Variants in GTF2A1L observed in about 807,000 individuals in gnomAD.
GTF2A1L encodes the protein TFIIA-alpha and beta-like factor.
GTF2A1L carries 48 observed loss-of-function variants against 49.7 expected under a neutral mutation model. That is an observed-to-expected ratio of 0.97 (90% CI 0.77 to 1.23). The LOEUF (loss-of-function observed/expected upper bound fraction) is 1.23, where lower values mean the gene tolerates loss of function less well. GTF2A1L is among the 50% of genes most tolerant of loss of function. GTF2A1L has a pLI of 0.00. For missense variants in GTF2A1L, 736 were observed against 564.8 expected (o/e 1.30, Z -3.07); for synonymous variants, 246 against 193.5 (o/e 1.27, Z -2.25).
chr2:48,670,030 T>A, intron 7 of GTF2A1L, 48 bp downstream of exon 7: 2 of 1,552,462 alleles, frequency 1.3e-6, no homozygotes, highest in Non-Finnish European at 1.7e-6. Flanking sequence ...TTTATAACAT[T>A]TCTACTTTAT....
At chr2:48,641,324 C>G (rs1426980279) in intron 3 of GTF2A1L, among the ~76,000 whole-genome samples, 1 of 152,184 alleles carries the variant, frequency 6.6e-6, no homozygotes, top group Non-Finnish European at 1.5e-5. Context: ...TTCTGTGCTT[C>G]ATTAACCATC....
intron 6 of GTF2A1L, among the ~76,000 whole-genome samples, chr2:48,661,149 T>C (rs1315868459): frequency 6.6e-6 from 1 of 152,024 alleles, no homozygotes; most frequent in Non-Finnish European, 1.5e-5. Context: ...CTTTATAGTT[T>C]TTTAAGATGT....
In GTF2A1L at chr2:48,679,423, T is replaced by C. The variant is rs1679649945; in HGVS notation, c.1418T>C (p.Ile473Thr). The change falls in exon 9 of 9, where the codon ATT becomes ACT. Residue 473 changes from isoleucine to threonine, a missense_variant. Ile to Thr is a moderately conservative substitution (Grantham distance 89). Coordinates refer to ENST00000403751, the MANE Select transcript of GTF2A1L (RefSeq NM_006872.5). ...AGAGACTATGTATTTGCAAAAGCCA[T>C]TGGTGATGCAGAGTGGTAAACCTTG... ...GGRDYVFAKAIGDAEW is the reference protein window; with the variant it reads ...GGRDYVFAKATGDAEW 1.9e-6 allele frequency: 3 copies of C among 1,612,452 alleles called. No individual in the cohort carries two copies. The highest frequency in any genetic ancestry group is 2.2e-5 in the South Asian group (2 of 90,992).
At chr2:48,653,353 C>G (rs1677978570) in intron 6 of GTF2A1L, among the ~76,000 whole-genome samples, 1 of 151,910 alleles carries the variant, frequency 6.6e-6, no homozygotes, top group African/African-American at 2.4e-5. Flanking sequence ...GTTATACAAC[C>G]CTACCTGAGA....
intron 3 of GTF2A1L, among the ~76,000 whole-genome samples, chr2:48,638,838 G>A (rs1677046842): frequency 6.6e-6 from 1 of 152,056 alleles, no homozygotes; most frequent in African/African-American, 2.4e-5. Flanking sequence ...AGTCTCGGCC[G>A]AAAAGCTCCT....
intron 6 of GTF2A1L, among the ~76,000 whole-genome samples, chr2:48,653,992 C>G (rs1678023931): frequency 6.7e-6 from 1 of 149,902 alleles, no homozygotes. Context: ...GTGTAAATAC[C>G]TAGGAGTGGG....
intron 3 of GTF2A1L, among the ~76,000 whole-genome samples, chr2:48,623,405 A>G (rs1302840672): frequency 6.6e-6 from 1 of 152,222 alleles, no homozygotes; most frequent in Non-Finnish European, 1.5e-5. Context: ...CAGAATGGCT[A>G]TTATTAAAAA....
intron 8 of GTF2A1L, among the ~76,000 whole-genome samples, chr2:48,674,832 G>A (rs1402000622): frequency 6.6e-6 from 1 of 151,944 alleles, no homozygotes; most frequent in African/African-American, 2.4e-5. Flanking sequence ...AATAGATAGA[G>A]GTGATATTAA....
At chr2:48,622,890 C>T (rs1461216124) in intron 3 of GTF2A1L, among the ~76,000 whole-genome samples, 1 of 148,812 alleles carries the variant, frequency 6.7e-6, no homozygotes, top group East Asian at 2.0e-4. Flanking sequence ...TTCAAAATTG[C>T]AATACTAGAT....
chr2:48,658,713 C>T (rs919083846), intron 6 of GTF2A1L, among the ~76,000 whole-genome samples: 8 of 151,938 alleles, frequency 5.3e-5, no homozygotes, highest in East Asian at 1.9e-4. Context: ...CTTTCTGTTT[C>T]ATTCTTGGGA....
intron 4 of GTF2A1L, among the ~76,000 whole-genome samples, chr2:48,642,919 T>C (rs1371210608): frequency 6.6e-6 from 1 of 152,024 alleles, no homozygotes; most frequent in Middle Eastern, 3.2e-3. Context: ...GTAGCATAGA[T>C]GTAATAAAAC....
Position 48,617,878 on chromosome 2 carries a change from G to C in GTF2A1L, c.4G>C (p.Ala2Pro), listed in dbSNP as rs1391722417. 3 of 1,551,848 alleles carry C rather than the reference G, an allele frequency of 1.9e-6. No homozygotes were observed. The highest frequency in any genetic ancestry group is 2.6e-6 in the Non-Finnish European group (3 of 1,147,044). Residue 2 changes from alanine (A) to proline (P), a missense_variant, in exon 1 of 9, where the codon GCC becomes CCC. Transcript: ENST00000403751. M[A>P]CLNPVPKLYR... is the part of the protein sequence containing the mutation. ...GCCAGGTGCTGGAGGTGCTGTCATGGCCTGCCTCAACCCGGTGGTAAGGAA... is the reference window on the plus strand; with the variant it reads ...GCCAGGTGCTGGAGGTGCTGTCATGCCCTGCCTCAACCCGGTGGTAAGGAA...
chr2:48,674,297 A>G (rs1383628889), intron 8 of GTF2A1L, among the ~76,000 whole-genome samples: 3 of 152,102 alleles, frequency 2.0e-5, no homozygotes, highest in Non-Finnish European at 2.9e-5. Flanking sequence ...TAACCATTCT[A>G]ATGAGTGTGA....
Position 48,620,909 on chromosome 2 carries a change from C to A in GTF2A1L, c.80C>A (p.Ala27Asp), listed in dbSNP as rs754682084. ...ATTGAAGGAGTTCGGAATCTATTTG[C>A]TGAAGAAGGTATAGAGGAACAAGTT... ...DVIEGVRNLF[A>D]EEGIEEQVLK... Residue 27 changes from alanine to aspartate, a missense_variant, in exon 2 of 9, where the codon GCT becomes GAT. Coordinates refer to ENST00000403751, the MANE Select transcript of GTF2A1L (RefSeq NM_006872.5). 2 of 1,606,646 alleles carry A rather than the reference C, an allele frequency of 1.2e-6. No individual in the cohort carries two copies. The highest frequency in any genetic ancestry group is 2.2e-5 in the South Asian group (2 of 89,722).
intron 3 of GTF2A1L, among the ~76,000 whole-genome samples, chr2:48,627,274 G>A (rs548025388): frequency 6.9e-6 from 1 of 144,200 alleles, no homozygotes; most frequent in East Asian, 1.9e-4. Flanking sequence ...GGTAGTTTCT[G>A]AGAGGTTAGC....
chr2:48,635,751 G>A (rs186058485), intron 3 of GTF2A1L, among the ~76,000 whole-genome samples: 1 of 152,182 alleles, frequency 6.6e-6, no homozygotes, highest in East Asian at 1.9e-4. Flanking sequence ...GTATGGCCAT[G>A]CAGCTGGGTT....
At position 48,671,677 on chromosome 2, in the gene GTF2A1L, T is replaced by C; in HGVS notation, c.1326T>C (p.Asp442=). The C allele has an allele frequency of 6.2e-7, 1 of 1,612,860 alleles. No individual in the cohort carries two copies. The highest frequency in any genetic ancestry group is 8.5e-7 in the Non-Finnish European group (1 of 1,179,418). Residue 442 remains aspartate (D), a synonymous_variant, in exon 8 of 9, where the codon GAT becomes GAC. Coordinates refer to ENST00000403751, the MANE Select transcript of GTF2A1L (RefSeq NM_006872.5). ...DTDNVIVCQY[D]KIHRSKNKWK... ...ATAATGTTATTGTCTGTCAGTATGA[T>C]AAGGTACTGTATTTACCTTTTGGAC...
At chr2:48,674,497 A>G (rs1232739688) in intron 8 of GTF2A1L, among the ~76,000 whole-genome samples, 1 of 152,188 alleles carries the variant, frequency 6.6e-6, no homozygotes, top group East Asian at 1.9e-4. Flanking sequence ...ATAACATTTT[A>G]TACAAATAGA....
intron 8 of GTF2A1L, among the ~76,000 whole-genome samples, chr2:48,672,034 G>T (rs544192311): frequency 6.6e-6 from 1 of 152,222 alleles, no homozygotes; most frequent in African/African-American, 2.4e-5. Context: ...AAGATGAGTG[G>T]CAGGTAAATC....
Sources: gnomAD v4.1 joint callset for allele counts (sites outside exome capture counted in the v4.1 genomes callset) on GRCh38, gnomAD v4.1.1 for gene constraint, MANE v1.5 for transcripts, NCBI Gene and HGNC (gene_info 2026-07-23, HGNC 2026-07-21) for gene names.